SMAD3: variants seen among roughly 807,000 people sequenced by gnomAD.
SMAD3 encodes SMAD family member 3.
Under a neutral mutation model 51.8 loss-of-function variants are expected in SMAD3, and 12 were observed. The ratio of observed to expected loss-of-function variants is 0.23; its 90% CI spans 0.15 to 0.38. The LOEUF (loss-of-function observed/expected upper bound fraction) is 0.38, where lower values mean the gene tolerates loss of function less well. Ranked by LOEUF, SMAD3 falls within the 10% of genes least tolerant of loss-of-function variation. SMAD3 has a pLI of 1.00. For synonymous variants in SMAD3, 238 were observed against 227.7 expected (o/e 1.05, Z -0.41); for missense variants, 294 against 565.6 (o/e 0.52, Z 4.87).
intron 1 of SMAD3, among the ~76,000 whole-genome samples, chr15:67,133,930 C>T (rs1420768642): frequency 1.3e-5 from 2 of 152,052 alleles, no homozygotes; most frequent in Non-Finnish European, 2.9e-5. Context: ...ACTCCCTGGC[C>T]AGTGCTCCAG....
intron 8 of SMAD3, among the ~76,000 whole-genome samples, chr15:67,188,594 C>G (rs183567565): frequency 6.6e-6 from 1 of 152,212 alleles, no homozygotes; most frequent in African/African-American, 2.4e-5. Context: ...TGTGTGCCCC[C>G]GCCTTCTGCT....
intron 1 of SMAD3, among the ~76,000 whole-genome samples, chr15:67,129,488 G>A (rs999170715): frequency 4.8e-5 from 7 of 144,476 alleles, no homozygotes; most frequent in Non-Finnish European, 1.1e-4. Flanking sequence ...TTCATTATTA[G>A]TTATTGTTGT....
At chr15:67,090,445 C>A (rs999320388) in intron 1 of SMAD3, among the ~76,000 whole-genome samples, 1 of 152,092 alleles carries the variant, frequency 6.6e-6, no homozygotes. Flanking sequence ...CTAGCCCAAC[C>A]CCATCATTGA....
chr15:67,104,663 A>C (rs1055852788), intron 1 of SMAD3, among the ~76,000 whole-genome samples: 2 of 152,244 alleles, frequency 1.3e-5, no homozygotes, highest in African/African-American at 4.8e-5. Flanking sequence ...GCTTGGCACA[A>C]ATGGCCAAGT....
At chr15:67,106,920 G>T (rs752198882) in intron 1 of SMAD3, among the ~76,000 whole-genome samples, 33 of 152,208 alleles carry the variant, frequency 2.2e-4, no homozygotes, top group Admixed American at 2.0e-4. Flanking sequence ...CCAGAACGGT[G>T]GTATCAAAAC....
rs555756427 is a variant in SMAD3, at chr15:67,159,019, G to A, written c.207-5876G>A. Among the ~76,000 whole-genome samples the A allele has an allele frequency of 2.6e-5, 4 of 151,926 alleles. No individual in the cohort carries two copies. The East Asian group carries it at 7.7e-4, about 29-fold the overall frequency. The stretch of plus-strand genomic sequence containing the variant: ...AAAAAAATTGGATTGTTAATACTGA[G>A]TGTTCTTACTAATATTTCATTAAAA... On this transcript the variant is annotated intron_variant, in intron 1 of 8. Coordinates refer to ENST00000327367, the MANE Select transcript of SMAD3 (RefSeq NM_005902.4).
intron 1 of SMAD3, chr15:67,138,280 C>CA: frequency 1.8e-6 from 1 of 568,762 alleles, no homozygotes; most frequent in Non-Finnish European, 3.2e-6. Context: ...GTGGGTGAAG[C>CA]AGAGGCGTCG....
In SMAD3 at chr15:67,065,623, C is replaced by CGGGAGCGGGA. The variant is rs1003810616; in HGVS notation, c.-530_-521dup. Among the ~76,000 whole-genome samples the CGGGAGCGGGA allele has an allele frequency of 5.3e-5, 8 of 149,730 alleles. No homozygotes were observed. In the South Asian group the frequency reaches 1.7e-3, roughly 32 times the overall value. ...GCATGAAACACAGACTGGGAGCGGG[C>CGGGAGCGGGA]GGGAGCGGGAGCGCGGCGCACGCCC... On this transcript the variant is annotated 5_prime_UTR_variant, in exon 1 of 9. Transcript: ENST00000327367.
intron 1 of SMAD3, among the ~76,000 whole-genome samples, chr15:67,117,133 G>A (rs1268777133): frequency 6.6e-6 from 1 of 152,158 alleles, no homozygotes; most frequent in Non-Finnish European, 1.5e-5. Context: ...GAGATCTGGG[G>A]TCACGGCTGG....
chr15:67,178,281 CT>C (rs909455835), intron 5 of SMAD3, among the ~76,000 whole-genome samples: 5 of 152,140 alleles, frequency 3.3e-5, no homozygotes, highest in African/African-American at 9.7e-5. Flanking sequence ...CCAGCTTTTT[CT>C]TTTTTTGAAT....
intron 1 of SMAD3, among the ~76,000 whole-genome samples, chr15:67,140,326 C>T (rs577907731): frequency 6.6e-6 from 1 of 152,320 alleles, no homozygotes; most frequent in East Asian, 1.9e-4. Flanking sequence ...TTAGTTCTCA[C>T]TTTGGTTTCA....
intron 1 of SMAD3, among the ~76,000 whole-genome samples, chr15:67,129,122 C>T (rs1416161690): frequency 6.6e-6 from 1 of 152,196 alleles, no homozygotes; most frequent in Admixed American, 6.5e-5. Flanking sequence ...CTACACCAGG[C>T]GTCCCCAACC....
chr15:67,076,550 C>T (rs940076673), intron 1 of SMAD3, among the ~76,000 whole-genome samples: 1 of 152,190 alleles, frequency 6.6e-6, no homozygotes, highest in Admixed American at 6.5e-5. Flanking sequence ...TCCAGAAACT[C>T]ATGGCTCTGA....
chr15:67,164,831 G>T, intron 1 of SMAD3, 64 bp from the exon 2 acceptor site: 1 of 1,548,372 alleles, frequency 6.5e-7, no homozygotes, highest in Non-Finnish European at 8.9e-7. Context: ...TAGGAGGCCG[G>T]ACTCTGCAGA....
At position 67,094,442 on chromosome 15, in the gene SMAD3, A is replaced by G. The variant is rs371357594; in HGVS notation, c.206+28082A>G. On this transcript the variant is annotated intron_variant, in intron 1 of 8. Transcript: ENST00000327367. Reference sequence around the variant, plus strand: ...TCTAAAGCAGACTTGGCACGAGACAATCTTATTCAAACTCTGCTCAAAATT... The same window carrying G: ...TCTAAAGCAGACTTGGCACGAGACAGTCTTATTCAAACTCTGCTCAAAATT... 3.0e-3 allele frequency among the ~76,000 whole-genome samples: 461 copies of G among 152,250 alleles called. 4 individuals are homozygous for G. The highest frequency in any genetic ancestry group is 0.011 in the African/African-American group (439 of 41,550).
chr15:67,103,318 G>A (rs1960802823), intron 1 of SMAD3, among the ~76,000 whole-genome samples: 1 of 152,226 alleles, frequency 6.6e-6, no homozygotes, highest in African/African-American at 2.4e-5. Flanking sequence ...GCCTCCTTGG[G>A]ACTCACTTCA....
chr15:67,097,914 G>A (rs1960650102), intron 1 of SMAD3, among the ~76,000 whole-genome samples: 1 of 152,184 alleles, frequency 6.6e-6, no homozygotes, highest in Non-Finnish European at 1.5e-5. Flanking sequence ...TGCTCTAGAA[G>A]TTACTGGAAT....
chr15:67,079,282 G>C (rs761037294), intron 1 of SMAD3, among the ~76,000 whole-genome samples: 1 of 152,006 alleles, frequency 6.6e-6, no homozygotes, highest in Non-Finnish European at 1.5e-5. Context: ...CTCGCCCCCC[G>C]CATATTATTT....
At chr15:67,159,609 C>T (rs1332353835) in intron 1 of SMAD3, among the ~76,000 whole-genome samples, 1 of 151,982 alleles carries the variant, frequency 6.6e-6, no homozygotes, top group Non-Finnish European at 1.5e-5. Flanking sequence ...ATATACATAA[C>T]CTTTACCCCC....
Sources: allele counts gnomAD v4.1 joint callset (sites outside exome capture counted in the v4.1 genomes callset), GRCh38; gene constraint gnomAD v4.1.1; transcripts MANE v1.5; gene names NCBI Gene and HGNC (gene_info 2026-07-23, HGNC 2026-07-21).